The following CEP89 variants were observed in gnomAD, a reference collection of about 807,000 sequenced individuals.
CEP89 encodes centrosomal protein of 89 kDa.
CEP89 carries 95 observed loss-of-function variants against 97.6 expected under a neutral mutation model. The ratio of observed to expected loss-of-function variants is 0.97; its 90% confidence interval spans 0.82 to 1.15. The LOEUF is 1.15. Ranked by LOEUF, CEP89 falls within the 50% of genes most tolerant of loss-of-function variation. CEP89 has a pLI of 0.00. For missense variants in CEP89, 869 were observed against 947.7 expected, an observed-to-expected ratio of 0.92 and a Z score of 1.09; for synonymous variants, 354 against 349.1, an observed-to-expected ratio of 1.01 and a Z score of -0.16.
chr19:32,971,700 T>G, intron 1 of CEP89, 136 bp downstream of exon 1: 1 of 801,998 alleles, frequency 1.2e-6, no homozygotes, highest in African/African-American at 1.8e-5. Flanking sequence ...AATCAAGGCT[T>G]CCTCAACTGA....
At chr19:32,918,470 A>G (rs1970176710) in intron 12 of CEP89, 131 bp from the exon 13 acceptor site, 2 of 667,442 alleles carry the variant, frequency 3.0e-6, no homozygotes, top group Non-Finnish European at 2.6e-6. Flanking sequence ...CATGTTAAAC[A>G]TATTAACACA....
intron 11 of CEP89, among the ~76,000 whole-genome samples, chr19:32,925,930 G>T (rs531800816): frequency 4.6e-5 from 7 of 152,054 alleles, no homozygotes; most frequent in African/African-American, 1.7e-4. Flanking sequence ...ATGCAGCACT[G>T]CTCTGACCCT....
chr19:32,882,746 G>A (rs934941807), intron 17 of CEP89, among the ~76,000 whole-genome samples: 1 of 152,132 alleles, frequency 6.6e-6, no homozygotes, highest in Non-Finnish European at 1.5e-5. Flanking sequence ...TCCAACAAGG[G>A]CTGTCACTCT....
chr19:32,947,826 G>A (rs191258889), intron 5 of CEP89, among the ~76,000 whole-genome samples: 1 of 151,818 alleles, frequency 6.6e-6, no homozygotes, highest in East Asian at 1.9e-4. Context: ...CTTGAGACAG[G>A]GTCTCATTCT....
At chr19:32,918,884 C>CTT (rs11339528) in intron 12 of CEP89, among the ~76,000 whole-genome samples, 4 of 117,648 alleles carry the variant, frequency 3.4e-5, no homozygotes, top group Non-Finnish European at 6.9e-5. Context: ...TTTTCTTTTT[C>CTT]TTTTTTTTTT....
Position 32,944,220 on chromosome 19 carries a change from TA to T in CEP89, c.595+4045del, listed in dbSNP as rs750448528. 2.0e-3 allele frequency among the ~76,000 whole-genome samples: 127 copies of T among 62,418 alleles called. 8 individuals carry two copies. The highest frequency in any genetic ancestry group is 5.3e-3 in the African/African-American group (79 of 14,910). The allele number at this position is 62,418 out of a possible 152,430, so 40.9% of individuals were successfully genotyped here. ...GCCTGGGCAACAGAGTGAGACCCTG[TA>T]AAAAAAAAAAAAAAAAGACTCTTCT... On this transcript the variant is annotated intron_variant, in intron 5 of 18. Transcript: ENST00000305768.
At position 32,936,732 on chromosome 19, in the gene CEP89, A is replaced by G. The variant is rs1339622952; in HGVS notation, c.667+899T>C. On this transcript the variant is annotated intron_variant, in intron 7 of 18. Transcript: ENST00000305768. The surrounding 1 kb of genome is among the most constrained non-coding windows in gnomAD (Gnocchi z 4.5). ...GCAGCAGAGAGGAGCAACCCACTCC[A>G]GGGCCTCCTCTCTACTAGGAGCTGG... Among the ~76,000 whole-genome samples the G allele has an allele frequency of 2.6e-5, 4 of 152,072 alleles. No individual in the cohort carries two copies. The highest frequency in any genetic ancestry group is 7.2e-5 in the African/African-American group (3 of 41,408).
intron 16 of CEP89, among the ~76,000 whole-genome samples, chr19:32,896,175 A>G (rs1392427659): frequency 3.9e-5 from 6 of 152,242 alleles, no homozygotes; most frequent in African/African-American, 1.4e-4. Flanking sequence ...GTCCTGAGCA[A>G]AAAGAACAAA....
At chr19:32,907,512 C>T (rs1023609738) in intron 14 of CEP89, among the ~76,000 whole-genome samples, 11 of 149,968 alleles carry the variant, frequency 7.3e-5, no homozygotes, top group South Asian at 2.1e-4. Context: ...AGTGCAATGG[C>T]GTGATATTGG....
chr19:32,961,448 G>A (rs55966338), intron 2 of CEP89, among the ~76,000 whole-genome samples: 18,746 of 150,942 alleles, frequency 0.12, 1,271 homozygotes, highest in East Asian at 0.24. Flanking sequence ...GCGTGGTGGC[G>A]GGTATCTGTA....
At chr19:32,947,949 C>T (rs1279346467) in intron 5 of CEP89, among the ~76,000 whole-genome samples, 1 of 152,168 alleles carries the variant, frequency 6.6e-6, no homozygotes, top group Non-Finnish European at 1.5e-5. Context: ...TGTAGGCGTG[C>T]ACCACCTTGC....
In CEP89 at chr19:32,933,670, C is replaced by G; in HGVS notation, c.668-1G>C. The G allele has an allele frequency of 5.7e-6, 9 of 1,584,802 alleles. No individual in the cohort carries two copies. The highest frequency in any genetic ancestry group is 7.8e-6 in the Non-Finnish European group (9 of 1,155,466). The stretch of plus-strand genomic sequence containing the variant: ...CTTTGACGTGCTCTACCAGTTATAT[C>G]TGAAAGGGTTCAGGGGAAAATTTTA... On this transcript the variant is annotated splice_acceptor_variant, in intron 7 of 18. Coordinates refer to ENST00000305768, the MANE Select transcript of CEP89 (RefSeq NM_032816.5). LOFTEE classifies it high-confidence loss of function.
chr19:32,897,054 G>T (rs116983340), intron 16 of CEP89, among the ~76,000 whole-genome samples: 234 of 152,148 alleles, frequency 1.5e-3, no homozygotes, highest in Non-Finnish European at 2.2e-3. Context: ...TAATCAAAAG[G>T]GTGAGACTCT....
chr19:32,971,771 C>T, intron 1 of CEP89, 65 bp downstream of exon 1: 1 of 1,530,716 alleles, frequency 6.5e-7, no homozygotes, highest in Non-Finnish European at 8.9e-7. Context: ...CAACCCGCCC[C>T]AACACTTTAC....
Position 32,895,163 on chromosome 19 carries a change from C to T in CEP89, c.1875+4694G>A, listed in dbSNP as rs573909735. On this transcript the variant is annotated intron_variant, in intron 16 of 18. Coordinates refer to ENST00000305768, the MANE Select transcript of CEP89 (RefSeq NM_032816.5). ...ACCCTGCTACCAAAACCAGACAAGG[C>T]CACAATAAAAAAAGAAACCTACAGG... 4.6e-5 allele frequency among the ~76,000 whole-genome samples: 7 copies of T among 152,124 alleles called. No homozygotes were observed. The South Asian group carries it at 1.0e-3, about 23-fold the overall frequency.
At chr19:32,896,779 C>T (rs4134430) in intron 16 of CEP89, among the ~76,000 whole-genome samples, 27,285 of 146,442 alleles carry the variant, frequency 0.19, 2,899 homozygotes, top group African/African-American at 0.31. Context: ...CTCTCTCTCT[C>T]TTTTTTTTTT....
intron 18 of CEP89, among the ~76,000 whole-genome samples, chr19:32,881,579 T>C (rs571332900): frequency 9.5e-4 from 145 of 151,872 alleles, no homozygotes; most frequent in African/African-American, 3.3e-3. Context: ...ATCAGTGAGA[T>C]GGAAGGCAGC....
intron 14 of CEP89, among the ~76,000 whole-genome samples, chr19:32,903,713 G>C (rs1835207508): frequency 6.6e-6 from 1 of 152,174 alleles, no homozygotes; most frequent in South Asian, 2.1e-4. Context: ...AAAGTGAACA[G>C]AACAGTCAAC....
rs2145860382 is a variant in CEP89 at position 32,876,772 on chromosome 19, A to G, written c.*2390T>C. 2 of 152,402 alleles carry G rather than the reference A, an allele frequency of 1.3e-5. 1 individual carries two copies. Among genetic ancestry groups the G allele is most frequent in the South Asian group, 4.1e-4 (2 of 4,826 alleles). 9.4% of individuals were successfully genotyped at this position (152,402 alleles called of 1,614,324 possible). On this transcript the variant is annotated 3_prime_UTR_variant, in exon 19 of 19. Coordinates refer to ENST00000305768, the MANE Select transcript of CEP89 (RefSeq NM_032816.5). ...CCCAGCAGGAGGCTGGGCAGAAGATAGTGTCTGTGGGACACCTGCCCTTGC... is the reference window on the plus strand; with the variant it reads ...CCCAGCAGGAGGCTGGGCAGAAGATGGTGTCTGTGGGACACCTGCCCTTGC...
Sources: allele counts gnomAD v4.1 joint callset (sites outside exome capture counted in the v4.1 genomes callset), GRCh38; gene constraint gnomAD v4.1.1; non-coding constraint Gnocchi (gnomAD v3.1); transcripts MANE v1.5; gene names NCBI Gene and HGNC (gene_info 2026-07-23, HGNC 2026-07-21).